STK32B: variants seen among roughly 807,000 people sequenced by gnomAD.
The protein encoded by STK32B is serine/threonine-protein kinase 32B.
In STK32B, 43 loss-of-function variants were observed where a neutral mutation model predicts 52.6. The ratio of observed to expected loss-of-function variants is 0.82; its 90% CI spans 0.64 to 1.05. STK32B has a LOEUF of 1.05. Ranked by LOEUF, STK32B falls within the 50% of genes least tolerant of loss-of-function variation. The pLI is 0.00. For missense variants in STK32B, 621 were observed against 534.6 expected (o/e 1.16, Z -1.59); for synonymous variants, 238 against 204.3 (o/e 1.17, Z -1.41).
intron 3 of STK32B, among the ~76,000 whole-genome samples, 175 bp from the exon 4 acceptor site, chr4:5,331,045 G>A (rs956683264): frequency 6.6e-5 from 10 of 152,108 alleles, no homozygotes; most frequent in African/African-American, 2.2e-4. Context: ...TGTGGAGGCA[G>A]CCTGAGGATT....
chr4:5,494,896 T>G (rs1192335286), intron 11 of STK32B, among the ~76,000 whole-genome samples: 2 of 152,232 alleles, frequency 1.3e-5, no homozygotes, highest in African/African-American at 4.8e-5. Context: ...GAATGTTGGA[T>G]ATTGGCCCCC....
intron 3 of STK32B, among the ~76,000 whole-genome samples, chr4:5,302,297 T>C (rs1729617603): frequency 6.6e-6 from 1 of 152,060 alleles, no homozygotes; most frequent in Non-Finnish European, 1.5e-5. Context: ...TCTGTGTGTA[T>C]GTTTTCAGAG....
chr4:5,096,388 A>G (rs1235254859), intron 1 of STK32B, among the ~76,000 whole-genome samples: 3 of 152,188 alleles, frequency 2.0e-5, no homozygotes, highest in African/African-American at 4.8e-5. Context: ...CACGTGGTCA[A>G]CATTTCTGCA....
intron 3 of STK32B, among the ~76,000 whole-genome samples, chr4:5,273,145 GA>G (rs1262099432): frequency 6.9e-6 from 1 of 144,926 alleles, no homozygotes; most frequent in African/African-American, 2.6e-5. Context: ...ACATTTACAA[GA>G]AAAAAACAAA....
At chr4:5,255,493 T>A (rs1201567137) in intron 3 of STK32B, among the ~76,000 whole-genome samples, 1 of 152,122 alleles carries the variant, frequency 6.6e-6, no homozygotes, top group African/African-American at 2.4e-5. Flanking sequence ...CTCAACACAT[T>A]TCTTACATAC....
rs1054842937 is a variant in STK32B at position 5,380,020 on chromosome 4, G to A, written c.435-18187G>A. ...CAGGGCTGCAGCTGTAGCTACCACC[G>A]TCAGAGACAGGCCCTGAGGAAAACC... On this transcript the variant is annotated intron_variant, in intron 4 of 11. Transcript: ENST00000282908. This position sits in a 1 kb window ranked among gnomAD's most constrained non-coding sequence, Gnocchi z 4.3. Among the ~76,000 whole-genome samples the A allele has an allele frequency of 6.6e-6, 1 of 152,140 alleles. No individual in the cohort carries two copies. Among genetic ancestry groups the A allele is most frequent in the Admixed American group, 6.5e-5 (1 of 15,278 alleles).
chr4:5,089,426 A>G (rs1297598364), intron 1 of STK32B, among the ~76,000 whole-genome samples: 1 of 151,952 alleles, frequency 6.6e-6, no homozygotes, highest in Non-Finnish European at 1.5e-5. Context: ...TGTGAGTGAG[A>G]TTATGCGGTG....
At chr4:5,061,169 A>T (rs1742202877) in intron 1 of STK32B, among the ~76,000 whole-genome samples, 1 of 152,190 alleles carries the variant, frequency 6.6e-6, no homozygotes, top group Non-Finnish European at 1.5e-5. Context: ...CTTTGACAAT[A>T]CTTCTTTGCT....
At position 5,073,617 on chromosome 4, in the gene STK32B, G is replaced by C. The variant is rs566361797; in HGVS notation, c.52+21702G>C. ...TTCAAAGTTTTATCATATATCATTT[G>C]TCTTCAGCCTGAATAATTTCTGTTG... On this transcript the variant is annotated intron_variant, in intron 1 of 11. Transcript: ENST00000282908. Among the ~76,000 whole-genome samples the C allele has an allele frequency of 8.6e-5, 13 of 151,874 alleles. No individual in the cohort carries two copies. In the East Asian group the frequency reaches 2.5e-3, roughly 29 times the overall value.
intron 5 of STK32B, among the ~76,000 whole-genome samples, chr4:5,410,140 G>A (rs761685229): frequency 1.3e-5 from 2 of 152,230 alleles, no homozygotes; most frequent in Middle Eastern, 3.4e-3. Context: ...TACAATCAGC[G>A]CCCACGGCTC....
chr4:5,168,304 C>T lies in STK32B; in HGVS notation c.114C>T (p.Cys38=), dbSNP rs576529233. 1.2e-6 allele frequency: 2 copies of T among 1,613,334 alleles called. No individual in the cohort carries two copies. The highest frequency in any genetic ancestry group is 1.7e-5 in the Admixed American group (1 of 59,968). The change falls in exon 3 of 12, where the codon TGC becomes TGT. Residue 38 remains cysteine, a synonymous_variant. Coordinates refer to ENST00000282908, the MANE Select transcript of STK32B (RefSeq NM_018401.3). ...CTCCTTTGGCTGTCGCTCAGGTATGCATCGTGCAGAAGCGAGACACTAAGA... is the reference window on the plus strand; with the variant it reads ...CTCCTTTGGCTGTCGCTCAGGTATGTATCGTGCAGAAGCGAGACACTAAGA... ...AIGKGSFGKV[C]IVQKRDTKKM...
chr4:5,261,896 G>A (rs912468225), intron 3 of STK32B, among the ~76,000 whole-genome samples: 20 of 152,104 alleles, frequency 1.3e-4, no homozygotes, highest in Admixed American at 9.2e-4. Context: ...GACAGTATTC[G>A]CAGCAGAAAT....
chr4:5,297,507 G>T lies in STK32B; in HGVS notation c.261-33713G>T, dbSNP rs1847279. Among the ~76,000 whole-genome samples the T allele has an allele frequency of 4.6e-5, 7 of 150,948 alleles. No individual in the cohort carries two copies. The South Asian group carries it at 1.5e-3, about 32-fold the overall frequency. ...CTTTTTTCTCTAATCTTGTCTTCACGCTTTATTTTATTAAGTTGATCTTCA... is the reference window on the plus strand; with the variant it reads ...CTTTTTTCTCTAATCTTGTCTTCACTCTTTATTTTATTAAGTTGATCTTCA... On this transcript the variant is annotated intron_variant, in intron 3 of 11. Coordinates refer to ENST00000282908, the MANE Select transcript of STK32B (RefSeq NM_018401.3).
At chr4:5,271,093 A>G (rs2108856884) in intron 3 of STK32B, among the ~76,000 whole-genome samples, 1 of 152,184 alleles carries the variant, frequency 6.6e-6, no homozygotes. Flanking sequence ...GCATGCCACC[A>G]TGCCCGGCTA....
At chr4:5,099,454 G>GCGTGCGCGCGCC in intron 1 of STK32B, among the ~76,000 whole-genome samples, 2 of 129,850 alleles carry the variant, frequency 1.5e-5, no homozygotes, top group African/African-American at 5.1e-5. Flanking sequence ...GTGTGTGCGC[G>GCGTGCGCGCGCC]CGCGCGTATG....
At chr4:5,254,063 G>A (rs1340752682) in intron 3 of STK32B, among the ~76,000 whole-genome samples, 1 of 152,166 alleles carries the variant, frequency 6.6e-6, no homozygotes, top group Non-Finnish European at 1.5e-5. Context: ...GGGATTACAG[G>A]CGTGAGCCAC....
intron 3 of STK32B, among the ~76,000 whole-genome samples, chr4:5,191,635 C>T (rs373941956): frequency 6.6e-6 from 1 of 152,134 alleles, no homozygotes; most frequent in Admixed American, 6.5e-5. Context: ...AACATTTTGA[C>T]AGCTGGTAGC....
At chr4:5,236,545 T>C (rs1724651033) in intron 3 of STK32B, among the ~76,000 whole-genome samples, 1 of 152,196 alleles carries the variant, frequency 6.6e-6, no homozygotes, top group South Asian at 2.1e-4. Context: ...TAGCTTTGCC[T>C]GCCTTTGTAC....
At chr4:5,042,902 C>T in the STK32B span, among the ~76,000 whole-genome samples, 2 of 151,436 alleles carry the variant, frequency 1.3e-5, no homozygotes, top group East Asian at 1.9e-4. Context: ...GTCAGGAGAT[C>T]GAGACCATCC....
Sources: gnomAD v4.1 joint callset for allele counts (sites outside exome capture counted in the v4.1 genomes callset) on GRCh38, gnomAD v4.1.1 for gene constraint, Gnocchi (gnomAD v3.1) non-coding constraint, MANE v1.5 for transcripts, NCBI Gene and HGNC (gene_info 2026-07-23, HGNC 2026-07-21) for gene names.